ZNF514: variants seen among roughly 807,000 people sequenced by gnomAD.
ZNF514 encodes zinc finger protein 514.
In ZNF514, 12 loss-of-function variants were observed where a neutral mutation model predicts 9.7. The observed-to-expected ratio is 1.24, with a 90% CI of 0.79 to 2.01. ZNF514 has a LOEUF of 2.01. Ranked by LOEUF, ZNF514 falls within the 30% of genes most tolerant of loss-of-function variation. The pLI is 0.00. For missense variants in ZNF514, 467 were observed against 465.5 expected (o/e 1.00, Z -0.03); for synonymous variants, 158 against 163.7 (o/e 0.97, Z 0.27).
chr2:95,155,088 T>A (rs1573381216), intron 2 of ZNF514: 1 of 152,296 alleles, frequency 6.6e-6, no homozygotes, highest in Non-Finnish European at 1.5e-5. Flanking sequence ...TGGAAACAAA[T>A]TCATAAAAAG....
chr2:95,144,378 G>A (rs1206148581), downstream of ZNF514, among the ~76,000 whole-genome samples: 1 of 152,146 alleles, frequency 6.6e-6, no homozygotes, highest in Non-Finnish European at 1.5e-5. Context: ...AGGGAGAGGA[G>A]GGGGAGCTGG....
At chr2:95,153,852 T>G (rs1229227220) in intron 2 of ZNF514, 1 of 152,194 alleles carries the variant, frequency 6.6e-6, no homozygotes, top group East Asian at 1.9e-4. Flanking sequence ...CCATTTAGCT[T>G]ATATTGTATG....
the ZNF514 span, among the ~76,000 whole-genome samples, chr2:95,139,213 G>T: frequency 1.4e-4 from 21 of 152,236 alleles, no homozygotes; most frequent in African/African-American, 5.1e-4. Context: ...ACCTCAACTA[G>T]GTCAGTGTCA....
intron 4 of ZNF514, among the ~76,000 whole-genome samples, chr2:95,152,420 G>C (rs1413008166): frequency 6.6e-6 from 1 of 152,134 alleles, no homozygotes; most frequent in African/African-American, 2.4e-5. Flanking sequence ...GACATCTAGT[G>C]ATGCTGCATG....
At chr2:95,125,018 T>C in the ZNF514 span, among the ~76,000 whole-genome samples, 15 of 147,782 alleles carry the variant, frequency 1.0e-4, no homozygotes, top group Non-Finnish European at 2.1e-4. Flanking sequence ...AGTAGCTAGG[T>C]AGAGGCCTGT....
At position 95,148,436 on chromosome 2, in the gene ZNF514, A is replaced by G. The variant is rs1673424350; in HGVS notation, c.*846T>C. The G allele has an allele frequency of 6.6e-6, 1 of 152,228 alleles. No individual in the cohort carries two copies. Among genetic ancestry groups the G allele is most frequent in the Non-Finnish European group, 1.5e-5 (1 of 68,038 alleles). 9.4% of individuals were successfully genotyped at this position (152,228 alleles called of 1,614,324 possible). On this transcript the variant is annotated 3_prime_UTR_variant, in exon 5 of 5. Transcript: ENST00000295208. ...TTCAGCTCTAGTTTTATACATCTCAAGTTGGAAAGGAACTTTCCTCACATT... is the reference window on the plus strand; with the variant it reads ...TTCAGCTCTAGTTTTATACATCTCAGGTTGGAAAGGAACTTTCCTCACATT...
At chr2:95,154,514 T>C (rs1373530713) in intron 2 of ZNF514, 1 of 152,270 alleles carries the variant, frequency 6.6e-6, no homozygotes, top group Admixed American at 6.5e-5. Flanking sequence ...GTGAACTGTT[T>C]GGTGAAACTA....
At chr2:95,144,676 G>A (rs1042490886), downstream of ZNF514, among the ~76,000 whole-genome samples, 1 of 152,110 alleles carries the variant, frequency 6.6e-6, no homozygotes, top group Non-Finnish European at 1.5e-5. Flanking sequence ...CCTGAGTTCT[G>A]ATATACATTC....
At chr2:95,123,139 A>G in the ZNF514 span, among the ~76,000 whole-genome samples, 2 of 152,162 alleles carry the variant, frequency 1.3e-5, no homozygotes, top group African/African-American at 2.4e-5. Context: ...TCATGAGTCC[A>G]TTTGGCTAAG....
At chr2:95,154,905 T>A (rs1352318548) in intron 2 of ZNF514, 3 of 152,038 alleles carry the variant, frequency 2.0e-5, no homozygotes, top group African/African-American at 7.2e-5. Flanking sequence ...TCCCAGTAAA[T>A]CTCCCAGTAA....
chr2:95,142,202 C>T (rs952310594), downstream of ZNF514, among the ~76,000 whole-genome samples: 2 of 152,192 alleles, frequency 1.3e-5, no homozygotes, highest in Non-Finnish European at 2.9e-5. Flanking sequence ...CCATCTGTCA[C>T]CAGACCACCA....
Position 95,149,598 on chromosome 2 carries a change from G to C in ZNF514, c.887C>G (p.Ala296Gly), listed in dbSNP as rs763315542. The stretch of plus-strand genomic sequence containing the variant: ...AATAAGGGATGAAGTGTGACCAAAG[G>C]CTCGTCCACATTCATTACATTTGTA... The part of the protein sequence containing the change: ...KPYKCNECGR[A>G]FGHTSSLIKH... The change falls in exon 5 of 5, where the codon GCC becomes GGC. Residue 296 changes from alanine to glycine, a missense_variant. Coordinates refer to ENST00000295208, the MANE Select transcript of ZNF514 (RefSeq NM_032788.3). 1.2e-6 allele frequency: 2 copies of C among 1,613,930 alleles called. No individual in the cohort carries two copies. Among genetic ancestry groups the C allele is most frequent in the South Asian group, 1.1e-5 (1 of 91,074 alleles).
chr2:95,127,576 TTTTTG>T, the ZNF514 span, among the ~76,000 whole-genome samples: 2 of 151,704 alleles, frequency 1.3e-5, no homozygotes, highest in Non-Finnish European at 2.9e-5. Flanking sequence ...TTTGTTTTTG[TTTTTG>T]TTTTTTTGTT....
In ZNF514 at chr2:95,148,985, TCCCCA is replaced by T; in HGVS notation, c.*292_*296del. 1 of 332,648 alleles carries T rather than the reference TCCCCA, an allele frequency of 3.0e-6. No homozygotes were observed. The highest frequency in any genetic ancestry group is 5.5e-6 in the Non-Finnish European group (1 of 182,708). 20.6% of individuals were successfully genotyped at this position (332,648 alleles called of 1,614,324 possible). On this transcript the variant is annotated 3_prime_UTR_variant, in exon 5 of 5. Coordinates refer to ENST00000295208, the MANE Select transcript of ZNF514 (RefSeq NM_032788.3). ...ACACTCACTGCATTGATAAGGCTCC[TCCCCA>T]GTGTCGGCTGTCTGATGCTGAATAA...
downstream of ZNF514, among the ~76,000 whole-genome samples, chr2:95,140,947 C>T (rs926238304): frequency 1.3e-5 from 2 of 150,918 alleles, no homozygotes; most frequent in Admixed American, 1.3e-4. Context: ...TGCACTCCAG[C>T]TTGGGCAACA....
chr2:95,137,634 T>A, the ZNF514 span, among the ~76,000 whole-genome samples: 1 of 152,170 alleles, frequency 6.6e-6, no homozygotes, highest in Non-Finnish European at 1.5e-5. Context: ...GATATTTGAA[T>A]ATGTTTTAGT....
At position 95,149,152 on chromosome 2, in the gene ZNF514, A is replaced by T; in HGVS notation, c.*130T>A. Reference sequence around the variant, plus strand: ...TTGACAGGGATTCTCTTTAGTAATTATTGCCTGATGTGGAACAAGATGTGG... The same window carrying T: ...TTGACAGGGATTCTCTTTAGTAATTTTTGCCTGATGTGGAACAAGATGTGG... On this transcript the variant is annotated 3_prime_UTR_variant, in exon 5 of 5. Coordinates refer to ENST00000295208, the MANE Select transcript of ZNF514 (RefSeq NM_032788.3). 2 of 1,171,828 alleles carry T rather than the reference A, an allele frequency of 1.7e-6. No homozygotes were observed. Among genetic ancestry groups the T allele is most frequent in the Non-Finnish European group, 2.4e-6 (2 of 845,890 alleles). The allele number at this position is 1,171,828 out of a possible 1,614,324, so 72.6% of individuals were successfully genotyped here. A position where few individuals can be genotyped will look rare whatever the true frequency, so the allele number is the denominator to read the frequency against.
At chr2:95,159,049 T>C in intron 1 of ZNF514, 191 bp downstream of exon 1, 1 of 1,227,078 alleles carries the variant, frequency 8.1e-7, no homozygotes, top group Non-Finnish European at 1.1e-6. Flanking sequence ...CACAGCCCTG[T>C]GGTCCTCCCG....
chr2:95,159,831 T>C lies in ZNF514; in HGVS notation c.-687A>G, dbSNP rs1419952982. Among the ~76,000 whole-genome samples, 1 of 151,290 alleles carries C rather than the reference T, an allele frequency of 6.6e-6. No homozygotes were observed. Among genetic ancestry groups the C allele is most frequent in the African/African-American group, 2.4e-5 (1 of 41,284 alleles). ...TTCAGAGCCAGCGCCGGTGGCGGGG[T>C]GCTGGCGCGGCGAAGCTGGAGAGGC... On this transcript the variant is annotated 5_prime_UTR_variant, in exon 1 of 5. Coordinates refer to ENST00000295208, the MANE Select transcript of ZNF514 (RefSeq NM_032788.3).
Sources: allele counts gnomAD v4.1 joint callset (sites outside exome capture counted in the v4.1 genomes callset), GRCh38; gene constraint gnomAD v4.1.1; transcripts MANE v1.5; gene names NCBI Gene and HGNC (gene_info 2026-07-23, HGNC 2026-07-21).